Variants in TNFRSF8 observed in about 807,000 individuals in gnomAD.
TNFRSF8 encodes TNF receptor superfamily member 8, also known as tumor necrosis factor receptor superfamily member 8.
A neutral mutation model predicts 70.8 loss-of-function variants in TNFRSF8; 26 were observed. The ratio of observed to expected loss-of-function variants is 0.37; its 90% CI spans 0.27 to 0.51. The LOEUF is 0.51. Ranked by LOEUF, TNFRSF8 falls within the 20% of genes least tolerant of loss-of-function variation. The pLI is 0.94. For synonymous variants in TNFRSF8, 356 were observed against 339.2 expected (o/e 1.05, Z -0.54); for missense variants, 720 against 807.9 (o/e 0.89, Z 1.32).
At position 12,138,443 on chromosome 1, in the gene TNFRSF8, C is replaced by T. The variant is rs1057361510; in HGVS notation, c.1543+7C>T. On this transcript the variant is annotated splice_region_variant and intron_variant, in intron 14 of 14. Transcript: ENST00000263932. This position sits in a 1 kb window ranked among gnomAD's most constrained non-coding sequence, Gnocchi z 5.7. ...CACACCAATAACAAGATTGGTGAGT[C>T]AGCCTGTTTTGGGAGGTCCCCTGCA... The T allele has an allele frequency of 3.7e-6, 6 of 1,606,888 alleles. No individual in the cohort carries two copies. The highest frequency in any genetic ancestry group is 3.3e-5 in the South Asian group (3 of 90,634).
chr1:12,135,280 C>T (rs1405261922), intron 12 of TNFRSF8, among the ~76,000 whole-genome samples: 1 of 140,754 alleles, frequency 7.1e-6, no homozygotes. Context: ...CATGCCACTG[C>T]ACTCTAGCCT....
intron 6 of TNFRSF8, 89 bp from the exon 7 acceptor site, chr1:12,111,809 G>C: frequency 9.4e-7 from 1 of 1,063,208 alleles, no homozygotes; most frequent in Non-Finnish European, 1.5e-6. Flanking sequence ...AGCTGGCCAC[G>C]GTGAGGGATG....
At chr1:12,104,343 C>T in intron 3 of TNFRSF8, 36 bp from the exon 4 acceptor site, 6 of 1,613,460 alleles carry the variant, frequency 3.7e-6, no homozygotes, top group Non-Finnish European at 5.1e-6. Flanking sequence ...CGCCTTCCTT[C>T]TGTTCCCCTC....
intron 8 of TNFRSF8, among the ~76,000 whole-genome samples, chr1:12,116,023 C>T (rs1396191762): frequency 6.6e-6 from 1 of 151,996 alleles, no homozygotes; most frequent in Non-Finnish European, 1.5e-5. Flanking sequence ...CTCATGTTGC[C>T]CAGGCTGGAG....
rs1347056124 is a variant in TNFRSF8 at position 12,063,689 on chromosome 1, G to T, written c.63+28G>T. The T allele has an allele frequency of 7.9e-7, 1 of 1,267,082 alleles. No homozygotes were observed. The highest frequency in any genetic ancestry group is 1.0e-6 in the Non-Finnish European group (1 of 997,406). 78.5% of individuals were successfully genotyped at this position (1,267,082 alleles called of 1,614,324 possible). A position where few individuals can be genotyped will look rare whatever the true frequency, so the allele number is the denominator to read the frequency against. On this transcript the variant is annotated intron_variant, in intron 1 of 14. Transcript: ENST00000263932. This position sits in a 1 kb window ranked among gnomAD's most constrained non-coding sequence, Gnocchi z 7.2. Reference sequence around the variant, plus strand: ...AAGCGGGTGACGGGCGCCTGGGGAGGTGCCGGCGGTCCAGAGCCCGGACAG... The same window carrying T: ...AAGCGGGTGACGGGCGCCTGGGGAGTTGCCGGCGGTCCAGAGCCCGGACAG...
chr1:12,076,162 G>A (rs1328908741), intron 1 of TNFRSF8, among the ~76,000 whole-genome samples: 3 of 148,266 alleles, frequency 2.0e-5, no homozygotes, highest in Non-Finnish European at 3.0e-5. Flanking sequence ...GTGCAGTGGC[G>A]TGATCTCGGC....
intron 8 of TNFRSF8, among the ~76,000 whole-genome samples, chr1:12,120,620 G>C (rs1307111321): frequency 6.6e-6 from 1 of 152,206 alleles, no homozygotes; most frequent in Non-Finnish European, 1.5e-5. Flanking sequence ...CAAGGACTGG[G>C]TGTTTGGATT....
chr1:12,097,196 GC>G lies in TNFRSF8; in HGVS notation c.249del (p.Cys84AlafsTer2). On this transcript the variant is annotated frameshift_variant, in exon 3 of 15. Coordinates refer to ENST00000263932, the MANE Select transcript of TNFRSF8 (RefSeq NM_001243.5). LOFTEE classifies it high-confidence loss of function. ...CCTGGATGAGGCCGACCGCTGTACA[GC>G]CTGCGTGACTTGTTCTCGAGGTAAG... is the stretch of plus-strand genomic sequence containing the variant. ...YYLDEADRCT[A>X]CVTCSRDDLV... The G allele has an allele frequency of 6.2e-7, 1 of 1,613,938 alleles. No individual in the cohort carries two copies. The highest frequency in any genetic ancestry group is 8.5e-7 in the Non-Finnish European group (1 of 1,179,862).
intron 12 of TNFRSF8, among the ~76,000 whole-genome samples, chr1:12,130,646 C>T (rs1642031184): frequency 6.6e-6 from 1 of 152,206 alleles, no homozygotes; most frequent in South Asian, 2.1e-4. Context: ...GGACCGAGAG[C>T]TTTACATCGC....
chr1:12,138,981 C>T lies in TNFRSF8; in HGVS notation c.1543+545C>T, dbSNP rs547666306. Among the ~76,000 whole-genome samples, 5 of 152,300 alleles carry T rather than the reference C, an allele frequency of 3.3e-5. No homozygotes were observed. The South Asian group carries it at 1.0e-3, about 32-fold the overall frequency. ...GCCCGTGGTTTGTCCACGTTACCAC[C>T]CACCCTCTGCAGAAGCAGGAGGACA... On this transcript the variant is annotated intron_variant, in intron 14 of 14. Transcript: ENST00000263932. The surrounding 1 kb of genome is among the most constrained non-coding windows in gnomAD (Gnocchi z 5.7).
rs1375754195 is a variant in TNFRSF8, at chr1:12,063,517, G to T, written c.-82G>T. ...CCACGCGCGCGGCTGAGAACCGCCG[G>T]GACCGCACGTGGGCGCCGCGCGCTT... On this transcript the variant is annotated 5_prime_UTR_variant, in exon 1 of 15. Transcript: ENST00000263932. The surrounding 1 kb of genome is among the most constrained non-coding windows in gnomAD (Gnocchi z 7.2). The T allele has an allele frequency of 4.9e-6, 6 of 1,236,870 alleles. No homozygotes were observed. Among genetic ancestry groups the T allele is most frequent in the Non-Finnish European group, 6.2e-6 (6 of 971,176 alleles). 76.6% of individuals were successfully genotyped at this position (1,236,870 alleles called of 1,614,324 possible).
At chr1:12,126,160 C>G in intron 11 of TNFRSF8, 23 bp from the exon 12 acceptor site, 1 of 1,614,166 alleles carries the variant, frequency 6.2e-7, no homozygotes, top group Non-Finnish European at 8.5e-7. Flanking sequence ...CCACCCCCAG[C>G]CTTCCTCCTG....
intron 10 of TNFRSF8, among the ~76,000 whole-genome samples, chr1:12,125,009 T>G (rs1310679465): frequency 1.3e-5 from 2 of 152,224 alleles, no homozygotes; most frequent in Non-Finnish European, 2.9e-5. Context: ...CGGTCCCGTC[T>G]GGCAGCATTG....
Position 12,109,602 on chromosome 1 carries a change from C to T in TNFRSF8, c.458C>T (p.Ser153Phe), listed in dbSNP as rs780645232. Residue 153 changes from serine to phenylalanine, a missense_variant, in exon 5 of 15, where the codon TCC becomes TTC. Transcript: ENST00000263932. This position sits in a 1 kb window ranked among gnomAD's most constrained non-coding sequence, Gnocchi z 4.4. ...AQKNTVCEPA[S>F]PGVSPACASP... ...AAGAACACGGTCTGTGAGCCGGCTTCCCCAGGGGTCAGCCCTGCCTGTGCC... is the reference window on the plus strand; with the variant it reads ...AAGAACACGGTCTGTGAGCCGGCTTTCCCAGGGGTCAGCCCTGCCTGTGCC... The T allele has an allele frequency of 1.9e-6, 3 of 1,613,710 alleles. No homozygotes were observed. Among genetic ancestry groups the T allele is most frequent in the Admixed American group, 3.3e-5 (2 of 60,010 alleles).
At position 12,104,429 on chromosome 1, in the gene TNFRSF8, G is replaced by A. The variant is rs748922700; in HGVS notation, c.319G>A (p.Glu107Lys). ...TGCATGGAACTCCTCCCGTGTCTGC[G>A]AATGTCGACCCGGCATGTTCTGTTC... ...PCAWNSSRVC[E>K]CRPGMFCSTS... Residue 107 changes from glutamate (E) to lysine (K), a missense_variant, in exon 4 of 15, where the codon GAA becomes AAA. Physicochemically the swap from Glu to Lys is moderately conservative, Grantham distance 56. Transcript: ENST00000263932. 6.2e-6 allele frequency: 10 copies of A among 1,614,152 alleles called. No individual in the cohort carries two copies. The highest frequency in any genetic ancestry group is 4.5e-5 in the East Asian group (2 of 44,882).
Position 12,097,213 on chromosome 1 carries a change from T to G in TNFRSF8, c.264T>G (p.Ser88=), listed in dbSNP as rs369817280. 3.1e-6 allele frequency: 5 copies of G among 1,613,538 alleles called. No individual in the cohort carries two copies. Among genetic ancestry groups the G allele is most frequent in the Non-Finnish European group, 3.4e-6 (4 of 1,179,546 alleles). The change falls in exon 3 of 15, where the codon TCT becomes TCG. Residue 88 remains serine (S), a synonymous_variant. Coordinates refer to ENST00000263932, the MANE Select transcript of TNFRSF8 (RefSeq NM_001243.5). ...ADRCTACVTC[S]RDDLVEKTPC... ...GCTGTACAGCCTGCGTGACTTGTTC[T>G]CGAGGTAAGGGCCTTGTTCTCTCTC...
chr1:12,104,400 C>A lies in TNFRSF8; in HGVS notation c.290C>A (p.Pro97Gln). 1 of 1,614,048 alleles carries A rather than the reference C, an allele frequency of 6.2e-7. No individual in the cohort carries two copies. The highest frequency in any genetic ancestry group is 8.5e-7 in the Non-Finnish European group (1 of 1,180,020). ...TTAGACGACCTCGTGGAGAAGACGC[C>A]GTGTGCATGGAACTCCTCCCGTGTC... ...CSRDDLVEKTPCAWNSSRVCE... is the reference protein window; with the variant it reads ...CSRDDLVEKTQCAWNSSRVCE... Residue 97 changes from proline (P) to glutamine (Q), a missense_variant, in exon 4 of 15, where the codon CCG becomes CAG. Transcript: ENST00000263932.
Position 12,109,922 on chromosome 1 carries a change from C to A in TNFRSF8, c.513-119C>A. 7.7e-7 allele frequency: 1 copy of A among 1,303,306 alleles called. No individual in the cohort carries two copies. The highest frequency in any genetic ancestry group is 1.1e-6 in the Non-Finnish European group (1 of 940,084). The allele number at this position is 1,303,306 out of a possible 1,614,324, so 80.7% of individuals were successfully genotyped here. ...CTCCCAGGAGCTTACAGTGGGCCCG[C>A]CAGAGGCAGTGGGCCAAGGGCCTGG... is the stretch of plus-strand genomic sequence containing the variant. On this transcript the variant is annotated intron_variant, in intron 5 of 14. Transcript: ENST00000263932. The surrounding 1 kb of genome is among the most constrained non-coding windows in gnomAD (Gnocchi z 4.4).
At chr1:12,126,698 C>T (rs947191671) in intron 12 of TNFRSF8, among the ~76,000 whole-genome samples, 3 of 152,186 alleles carry the variant, frequency 2.0e-5, no homozygotes, top group Non-Finnish European at 4.4e-5. Flanking sequence ...GCACATGGGG[C>T]AAGAGGGACC....
Sources: allele counts gnomAD v4.1 joint callset (sites outside exome capture counted in the v4.1 genomes callset), GRCh38; gene constraint gnomAD v4.1.1; non-coding constraint Gnocchi (gnomAD v3.1); transcripts MANE v1.5; gene names NCBI Gene and HGNC (gene_info 2026-07-23, HGNC 2026-07-21).